DPYD: variants seen among roughly 807,000 people sequenced by gnomAD.
DPYD encodes the protein dihydropyrimidine dehydrogenase [NADP(+)].
A neutral mutation model predicts 116.2 loss-of-function variants in DPYD; 109 were observed. That is an observed-to-expected ratio of 0.94 (90% CI 0.80 to 1.10). The LOEUF (loss-of-function observed/expected upper bound fraction) is 1.10, where lower values mean the gene tolerates loss of function less well. Among genes scored for constraint, DPYD ranks in the 50% least tolerant of loss-of-function variants. The pLI, the probability that DPYD is intolerant of heterozygous loss-of-function variation, is 0.00. For missense variants in DPYD, 1,302 were observed against 1,254.5 expected (o/e 1.04, Z -0.57); for synonymous variants, 440 against 432.0 (o/e 1.02, Z -0.23).
intron 19 of DPYD, among the ~76,000 whole-genome samples, chr1:97,225,796 A>T (rs761406810): frequency 1.3e-5 from 2 of 152,058 alleles, no homozygotes; most frequent in Non-Finnish European, 2.9e-5. Context: ...GCCAAGGCCA[A>T]TGTCTAGGAG....
intron 8 of DPYD, among the ~76,000 whole-genome samples, chr1:97,633,618 G>A (rs913775695): frequency 6.6e-6 from 1 of 152,014 alleles, no homozygotes; most frequent in Admixed American, 6.6e-5. Context: ...ATCCTCATAG[G>A]TTCTGTCAAG....
At chr1:97,199,005 C>T (rs75637747) in intron 19 of DPYD, among the ~76,000 whole-genome samples, 20,601 of 152,012 alleles carry the variant, frequency 0.14, 1,668 homozygotes, top group East Asian at 0.39. Flanking sequence ...TAGGTGCAGA[C>T]GCATTTAATA....
intron 14 of DPYD, among the ~76,000 whole-genome samples, chr1:97,398,886 T>C (rs1174486595): frequency 6.6e-6 from 1 of 152,128 alleles, no homozygotes; most frequent in South Asian, 2.1e-4. Context: ...TTTTCTCCCA[T>C]TCTGTAGGTT....
At chr1:97,498,849 A>G (rs1174695736) in intron 13 of DPYD, among the ~76,000 whole-genome samples, 2 of 151,688 alleles carry the variant, frequency 1.3e-5, no homozygotes, top group Admixed American at 6.6e-5. Context: ...TGAACATACA[A>G]TGTATTGAAA....
At chr1:97,203,945 C>T (rs1023648244) in intron 19 of DPYD, among the ~76,000 whole-genome samples, 6 of 151,666 alleles carry the variant, frequency 4.0e-5, no homozygotes, top group Admixed American at 6.6e-5. Flanking sequence ...TTGATAAAAA[C>T]ACAAATTTGT....
intron 1 of DPYD, among the ~76,000 whole-genome samples, chr1:97,904,861 A>G (rs1418410150): frequency 6.6e-6 from 1 of 151,948 alleles, no homozygotes; most frequent in African/African-American, 2.4e-5. Context: ...TTACTCCCTT[A>G]CAGTTTGTAC....
rs143853669 is a variant in DPYD at position 97,885,592 on chromosome 1, T to G, written c.40-2218A>C. 2.4e-3 allele frequency among the ~76,000 whole-genome samples: 369 copies of G among 152,238 alleles called. 6 individuals carry two copies. The highest frequency in any genetic ancestry group is 8.5e-3 in the African/African-American group (353 of 41,582). On this transcript the variant is annotated intron_variant, in intron 1 of 22. Coordinates refer to ENST00000370192, the MANE Select transcript of DPYD (RefSeq NM_000110.4). ...GTGGTAATAACAATGCTTTGTGTTTTAAGTTTTTAGAGTTTAAAAGTTCAA... is the reference window on the plus strand; with the variant it reads ...GTGGTAATAACAATGCTTTGTGTTTGAAGTTTTTAGAGTTTAAAAGTTCAA...
chr1:97,810,006 G>A (rs531475661), intron 3 of DPYD, among the ~76,000 whole-genome samples: 1 of 152,156 alleles, frequency 6.6e-6, no homozygotes, highest in South Asian at 2.1e-4. Flanking sequence ...ACAAGCACCG[G>A]CCGGGCGTGG....
At position 97,224,449 on chromosome 1, in the gene DPYD, A is replaced by T. The variant is rs56830176; in HGVS notation, c.2442+10403T>A. ...TGTTATACATATACACACTCAAATG[A>T]TCACTACAGTCAAGCCAATTAACAC... On this transcript the variant is annotated intron_variant, in intron 19 of 22. Coordinates refer to ENST00000370192, the MANE Select transcript of DPYD (RefSeq NM_000110.4). 2.6e-5 allele frequency among the ~76,000 whole-genome samples: 4 copies of T among 152,184 alleles called. No homozygotes were observed. The East Asian group carries it at 5.8e-4, about 22-fold the overall frequency.
intron 9 of DPYD, 63 bp downstream of exon 9, chr1:97,594,996 T>C: frequency 7.6e-7 from 1 of 1,324,290 alleles, no homozygotes. Flanking sequence ...TTGATTTTGA[T>C]ATTAATTTAT....
chr1:97,755,188 G>T lies in DPYD; in HGVS notation c.234-14709C>A, dbSNP rs566177026. Among the ~76,000 whole-genome samples the T allele has an allele frequency of 7.2e-5, 11 of 152,190 alleles. No homozygotes were observed. The East Asian group carries it at 2.1e-3, about 30-fold the overall frequency. On this transcript the variant is annotated intron_variant, in intron 3 of 22. Transcript: ENST00000370192. ...AAATGCAGCATCTTGAGCTAAGAAG[G>T]GACAAGGTAGAACAGATCAAGCTCT...
At chr1:97,887,469 T>TAAAAAAAAAAAAA (rs57316508) in intron 1 of DPYD, among the ~76,000 whole-genome samples, 544 of 47,126 alleles carry the variant, frequency 0.012, 12 homozygotes, top group African/African-American at 0.014. Context: ...GACTCTGCAT[T>TAAAAAAAAAAAAA]AAAAAAAAAA....
chr1:97,631,606 C>T (rs1657262826), intron 8 of DPYD, among the ~76,000 whole-genome samples: 1 of 151,762 alleles, frequency 6.6e-6, no homozygotes, highest in Admixed American at 6.6e-5. Flanking sequence ...AGGAACTAAG[C>T]CAGAGGAATT....
Position 97,490,834 on chromosome 1 carries a change from A to G in DPYD, c.1740+24892T>C, listed in dbSNP as rs928710872. 1.0e-4 allele frequency among the ~76,000 whole-genome samples: 15 copies of G among 150,174 alleles called. No homozygotes were observed. In the East Asian group the frequency reaches 1.9e-3, roughly 19 times the overall value. On this transcript the variant is annotated intron_variant, in intron 13 of 22. Transcript: ENST00000370192. ...TGCCCTGAAATGTAATGCTAAAAAA[A>G]AAAACCAAAAAACTGATTTTCAAGC... is the stretch of plus-strand genomic sequence containing the variant.
At chr1:97,656,638 C>T (rs75382280) in intron 8 of DPYD, among the ~76,000 whole-genome samples, 13,039 of 152,008 alleles carry the variant, frequency 0.086, 791 homozygotes, top group Middle Eastern at 0.12. Context: ...TCCTTCTGGG[C>T]TTATGATTTT....
rs147942382 is a variant in DPYD at position 97,132,171 on chromosome 1, T to G, written c.2623-33539A>C. Among the ~76,000 whole-genome samples, 281 of 152,330 alleles carry G rather than the reference T, an allele frequency of 1.8e-3. 2 individuals carry two copies. Among genetic ancestry groups the G allele is most frequent in the African/African-American group, 6.5e-3 (272 of 41,574 alleles). On this transcript the variant is annotated intron_variant, in intron 20 of 22. Coordinates refer to ENST00000370192, the MANE Select transcript of DPYD (RefSeq NM_000110.4). ...CTTTATGATCCTCATCAGACTTTCC[T>G]ACATCTCAGCATTCTTTAGGTCAGT...
At chr1:97,797,741 A>T (rs1471258231) in intron 3 of DPYD, 1 of 152,070 alleles carries the variant, frequency 6.6e-6, no homozygotes, top group African/African-American at 2.4e-5. Context: ...ACCAAGCATC[A>T]TGAGGCCAGC....
chr1:97,580,686 G>C (rs1478215254), intron 10 of DPYD, among the ~76,000 whole-genome samples: 2 of 152,092 alleles, frequency 1.3e-5, no homozygotes, highest in African/African-American at 4.8e-5. Flanking sequence ...TGCTAAGTCA[G>C]TTTAGCAAAA....
chr1:97,190,701 A>T (rs1658291612), intron 20 of DPYD, among the ~76,000 whole-genome samples: 1 of 152,208 alleles, frequency 6.6e-6, no homozygotes, highest in Admixed American at 6.5e-5. Flanking sequence ...AGCATAAGGA[A>T]AGTATATTAA....
Sources: allele counts gnomAD v4.1 joint callset (sites outside exome capture counted in the v4.1 genomes callset), GRCh38; gene constraint gnomAD v4.1.1; transcripts MANE v1.5; gene names NCBI Gene and HGNC (gene_info 2026-07-23, HGNC 2026-07-21).